Variants in ADARB2 observed in about 807,000 individuals in gnomAD.
ADARB2 encodes inactive double-stranded RNA-specific editase B2.
A neutral mutation model predicts 62.2 loss-of-function variants in ADARB2; 25 were observed. The ratio of observed to expected loss-of-function variants is 0.40; its 90% CI spans 0.29 to 0.56. The LOEUF (loss-of-function observed/expected upper bound fraction) is 0.56, where lower values mean the gene tolerates loss of function less well. ADARB2 is among the 20% of genes least tolerant of loss of function. ADARB2 has a pLI of 0.43. For missense variants in ADARB2, 1,071 were observed against 1,077.4 expected, an observed-to-expected ratio of 0.99 and a Z score of 0.08; for synonymous variants, 572 against 500.8, an observed-to-expected ratio of 1.14 and a Z score of -1.90.
At chr10:1,285,262 T>C (rs1330630230) in intron 3 of ADARB2, among the ~76,000 whole-genome samples, 1 of 151,454 alleles carries the variant, frequency 6.6e-6, no homozygotes, top group East Asian at 2.0e-4. Flanking sequence ...CAGTCTTTCA[T>C]GCCTCCCAGG....
intron 1 of ADARB2, among the ~76,000 whole-genome samples, chr10:1,546,151 T>C (rs1365258280): frequency 6.6e-6 from 1 of 152,132 alleles, no homozygotes; most frequent in Non-Finnish European, 1.5e-5. Context: ...TAACTCTCCC[T>C]GGTTCCTGTT....
intron 1 of ADARB2, among the ~76,000 whole-genome samples, chr10:1,563,054 T>C (rs1832807924): frequency 6.6e-6 from 1 of 152,090 alleles, no homozygotes; most frequent in African/African-American, 2.4e-5. Context: ...TGAGTCCCTG[T>C]GTCCTCCGCA....
chr10:1,735,340 A>G (rs1381110646), intron 1 of ADARB2, among the ~76,000 whole-genome samples: 1 of 152,228 alleles, frequency 6.6e-6, no homozygotes, highest in Non-Finnish European at 1.5e-5. Context: ...TAAATTGAAT[A>G]CTTTCTAAGC....
intron 1 of ADARB2, among the ~76,000 whole-genome samples, chr10:1,605,445 G>T (rs1263015378): frequency 1.3e-5 from 2 of 152,224 alleles, no homozygotes; most frequent in Non-Finnish European, 2.9e-5. Context: ...ATTCTGGATT[G>T]AATGGGTATG....
At chr10:1,558,479 C>A (rs1279104170) in intron 1 of ADARB2, among the ~76,000 whole-genome samples, 1 of 123,356 alleles carries the variant, frequency 8.1e-6, no homozygotes, top group African/African-American at 3.1e-5. Context: ...TCCGTGGGTG[C>A]TCAGCCCCCA....
At chr10:1,348,639 A>G (rs1242839398) in intron 3 of ADARB2, among the ~76,000 whole-genome samples, 1 of 151,358 alleles carries the variant, frequency 6.6e-6, no homozygotes, top group East Asian at 1.9e-4. Context: ...GTCTGTTTCC[A>G]AGGGAACCTG....
chr10:1,615,619 G>T (rs1833622344), intron 1 of ADARB2, among the ~76,000 whole-genome samples: 1 of 152,252 alleles, frequency 6.6e-6, no homozygotes. Context: ...AACCTCACTG[G>T]AAGGATGTGT....
At chr10:1,331,738 G>T (rs1831929819) in intron 3 of ADARB2, among the ~76,000 whole-genome samples, 1 of 152,182 alleles carries the variant, frequency 6.6e-6, no homozygotes, top group Admixed American at 6.5e-5. Context: ...CTGATTTATA[G>T]CCCAATTAAG....
chr10:1,293,305 G>GAGAGGGGAGGGAGAGAAGGGGGA (rs1199955842), intron 3 of ADARB2, among the ~76,000 whole-genome samples: 36 of 108,346 alleles, frequency 3.3e-4, no homozygotes, highest in African/African-American at 1.3e-3. Flanking sequence ...GAAGGGGGAA[G>GAGAGGGGAGGGAGAGAAGGGGGA]AGAGAGGGGA....
intron 1 of ADARB2, among the ~76,000 whole-genome samples, chr10:1,610,232 A>G (rs538983207): frequency 6.6e-6 from 1 of 152,220 alleles, no homozygotes; most frequent in Non-Finnish European, 1.5e-5. Flanking sequence ...GGGCCCCTAC[A>G]CGGGCAGTTC....
At chr10:1,250,244 C>T (rs1467427779) in intron 4 of ADARB2, among the ~76,000 whole-genome samples, 2 of 151,830 alleles carry the variant, frequency 1.3e-5, no homozygotes, top group Non-Finnish European at 2.9e-5. Flanking sequence ...ATTGCTATGG[C>T]TTGGGTATGG....
chr10:1,420,860 C>T (rs981718066), intron 1 of ADARB2, among the ~76,000 whole-genome samples: 7 of 152,144 alleles, frequency 4.6e-5, no homozygotes, highest in African/African-American at 1.4e-4. Context: ...AGGCATGCTT[C>T]CAAAGGAGCT....
rs190103951 is a variant in ADARB2, at chr10:1,478,769, C to T, written c.101-99609G>A. On this transcript the variant is annotated intron_variant, in intron 1 of 9. Coordinates refer to ENST00000381312, the MANE Select transcript of ADARB2 (RefSeq NM_018702.4). ...AAACAAGGACCCTCGGATGGGAGAG[C>T]GCCAAAATAAGGACCCTTGGACGGG... Among the ~76,000 whole-genome samples, 143 of 150,274 alleles carry T rather than the reference C, an allele frequency of 9.5e-4. 1 individual carries two copies. Among genetic ancestry groups the T allele is most frequent in the African/African-American group, 3.1e-3 (125 of 40,826 alleles).
chr10:1,373,385 C>T (rs1247083981), intron 2 of ADARB2, among the ~76,000 whole-genome samples: 1 of 152,168 alleles, frequency 6.6e-6, no homozygotes, highest in Admixed American at 6.5e-5. Flanking sequence ...GAGTCACTCA[C>T]TCAGACTGGA....
At chr10:1,394,736 G>C (rs1325648164) in intron 1 of ADARB2, among the ~76,000 whole-genome samples, 1 of 152,156 alleles carries the variant, frequency 6.6e-6, no homozygotes, top group African/African-American at 2.4e-5. Context: ...AACGTCAAAG[G>C]GTCTGAAGCC....
chr10:1,199,882 G>T, intron 8 of ADARB2, 84 bp downstream of exon 8: 1 of 1,363,198 alleles, frequency 7.3e-7, no homozygotes, highest in Non-Finnish European at 9.7e-7. Flanking sequence ...GATGAAGTCT[G>T]CGAGGGATGG....
chr10:1,196,365 A>T (rs1836912293), intron 8 of ADARB2, among the ~76,000 whole-genome samples: 3 of 150,912 alleles, frequency 2.0e-5, no homozygotes, highest in African/African-American at 7.3e-5. Context: ...ATCAATACAC[A>T]TTTGCTGAAT....
At chr10:1,448,284 G>T (rs1420400227) in intron 1 of ADARB2, among the ~76,000 whole-genome samples, 1 of 152,174 alleles carries the variant, frequency 6.6e-6, no homozygotes, top group East Asian at 1.9e-4. Context: ...TGAAACAAAT[G>T]TGAATGAGAC....
chr10:1,292,332 A>C (rs894434431), intron 3 of ADARB2: 1 of 152,206 alleles, frequency 6.6e-6, no homozygotes, highest in East Asian at 1.9e-4. Flanking sequence ...TTTAGAAAAA[A>C]ATTTAAAAGT....
Sources: gnomAD v4.1 joint callset for allele counts (sites outside exome capture counted in the v4.1 genomes callset) on GRCh38, gnomAD v4.1.1 for gene constraint, MANE v1.5 for transcripts, NCBI Gene and HGNC (gene_info 2026-07-23, HGNC 2026-07-21) for gene names.